Variants in RERE observed in about 807,000 individuals in gnomAD.
RERE encodes the protein arginine-glutamic acid dipeptide repeats protein.
RERE carries 40 observed loss-of-function variants against 146.1 expected under a neutral mutation model. That is an observed-to-expected ratio of 0.27 (90% CI 0.21 to 0.36). RERE has a LOEUF of 0.36. Among genes scored for constraint, RERE ranks in the 10% least tolerant of loss-of-function variants. RERE has a pLI of 1.00. For synonymous variants in RERE, 1,003 were observed against 866.0 expected (o/e 1.16, Z -2.78); for missense variants, 1,933 against 2,138.7 (o/e 0.90, Z 1.90).
intron 12 of RERE, among the ~76,000 whole-genome samples, chr1:8,397,923 G>A (rs1219599705): frequency 1.3e-5 from 2 of 152,180 alleles, no homozygotes; most frequent in African/African-American, 2.4e-5. Context: ...TGAGCATCTA[G>A]GTGCAAGGCA....
chr1:8,583,311 G>A (rs959850291), intron 4 of RERE, among the ~76,000 whole-genome samples: 7 of 152,150 alleles, frequency 4.6e-5, no homozygotes, highest in African/African-American at 1.4e-4. Flanking sequence ...TCTACAAACC[G>A]CAAAATATAA....
intron 2 of RERE, among the ~76,000 whole-genome samples, chr1:8,641,420 G>A (rs1417017594): frequency 6.6e-6 from 1 of 152,158 alleles, no homozygotes; most frequent in African/African-American, 2.4e-5. Flanking sequence ...CCAGAGCTTA[G>A]GAGTTCAAAT....
At chr1:8,664,336 C>G (rs940717445) in intron 1 of RERE, among the ~76,000 whole-genome samples, 4 of 152,144 alleles carry the variant, frequency 2.6e-5, no homozygotes. Context: ...TGTAGAAGTT[C>G]TGTTGGGGCA....
intron 1 of RERE, among the ~76,000 whole-genome samples, chr1:8,797,807 T>C (rs543414351): frequency 1.3e-5 from 2 of 152,352 alleles, no homozygotes; most frequent in South Asian, 2.1e-4. Context: ...CAGTCTCTAG[T>C]AAGAGAAGCC....
chr1:8,390,858 T>C (rs1040260071), intron 12 of RERE, among the ~76,000 whole-genome samples: 4 of 152,184 alleles, frequency 2.6e-5, no homozygotes, highest in Non-Finnish European at 5.9e-5. Context: ...GGGTCCTCCC[T>C]GACGCTGTCC....
intron 1 of RERE, among the ~76,000 whole-genome samples, chr1:8,814,299 C>T (rs1231520917): frequency 6.6e-6 from 1 of 152,160 alleles, no homozygotes; most frequent in African/African-American, 2.4e-5. Context: ...TACATTAGAA[C>T]AACTGAGATG....
chr1:8,596,782 G>A (rs750765614), intron 4 of RERE, among the ~76,000 whole-genome samples: 18 of 151,734 alleles, frequency 1.2e-4, no homozygotes, highest in Non-Finnish European at 2.5e-4. Flanking sequence ...AAAGTGCTGG[G>A]ATTATAGGTG....
chr1:8,668,924 C>G (rs938824852), intron 1 of RERE, among the ~76,000 whole-genome samples: 11 of 83,534 alleles, frequency 1.3e-4, no homozygotes, highest in African/African-American at 3.8e-4. Context: ...GCACTAAACT[C>G]TGTGTGTGTG....
chr1:8,364,789 C>A lies in RERE; in HGVS notation c.1497G>T (p.Glu499Asp). The stretch of plus-strand genomic sequence containing the variant: ...GGCAGGCGTACCCCTTCAGCTCCTG[C>A]TCACTGTCCTCACTGTCGAAGTCAT... ...SEDDFDSEDSEQELKGYACRH... is the reference protein window; with the variant it reads ...SEDDFDSEDSDQELKGYACRH... The change falls in exon 14 of 23, where the codon GAG becomes GAT. Residue 499 changes from glutamate to aspartate, a missense_variant. Physicochemically the swap from Glu to Asp is conservative, Grantham distance 45 (BLOSUM62 2). Around this residue, in one of 11 missense-constraint regions of RERE, gnomAD observed 260 missense variants for 378.4 expected, o/e 0.69. Transcript: ENST00000400908. This position sits in a 1 kb window ranked among gnomAD's most constrained non-coding sequence, Gnocchi z 5.1. 1 of 1,613,954 alleles carries A rather than the reference C, an allele frequency of 6.2e-7. No individual in the cohort carries two copies.
intron 12 of RERE, among the ~76,000 whole-genome samples, chr1:8,400,957 G>A (rs1643230254): frequency 7.2e-6 from 1 of 138,406 alleles, no homozygotes; most frequent in Non-Finnish European, 1.5e-5. Context: ...GGTTGAGGCT[G>A]CAGTGAGCCA....
intron 4 of RERE, among the ~76,000 whole-genome samples, chr1:8,589,778 T>A (rs1646469968): frequency 6.6e-6 from 1 of 152,342 alleles, no homozygotes; most frequent in East Asian, 1.9e-4. Context: ...GAGCCCAAGC[T>A]GAGGGCTTAG....
chr1:8,575,120 A>T (rs939530773), intron 4 of RERE, among the ~76,000 whole-genome samples: 2 of 152,184 alleles, frequency 1.3e-5, no homozygotes, highest in South Asian at 2.1e-4. Flanking sequence ...AAAAAGTAAG[A>T]AAGTGCTCAA....
At chr1:8,528,131 C>A (rs1040998565) in intron 7 of RERE, among the ~76,000 whole-genome samples, 3 of 152,114 alleles carry the variant, frequency 2.0e-5, no homozygotes, top group African/African-American at 7.2e-5. Flanking sequence ...GTATGGCTGG[C>A]CAAAATTACA....
intron 4 of RERE, among the ~76,000 whole-genome samples, chr1:8,582,830 G>C (rs151112954): frequency 6.6e-6 from 1 of 152,100 alleles, no homozygotes; most frequent in South Asian, 2.1e-4. Flanking sequence ...CACCATCAAA[G>C]GTGAAATTTC....
At chr1:8,385,918 G>A (rs1160475201) in intron 12 of RERE, among the ~76,000 whole-genome samples, 1 of 129,468 alleles carries the variant, frequency 7.7e-6, no homozygotes, top group African/African-American at 2.9e-5. Flanking sequence ...GCAGTGAGTG[G>A]AGATCGCACC....
intron 9 of RERE, among the ~76,000 whole-genome samples, chr1:8,495,895 C>T (rs1645038241): frequency 6.6e-6 from 1 of 151,934 alleles, no homozygotes; most frequent in Non-Finnish European, 1.5e-5. Flanking sequence ...AAAATCATGG[C>T]TGGGTGTGAT....
At chr1:8,518,972 T>C (rs1029613034) in intron 7 of RERE, among the ~76,000 whole-genome samples, 2 of 152,172 alleles carry the variant, frequency 1.3e-5, no homozygotes, top group East Asian at 1.9e-4. Context: ...AGAAACATCA[T>C]TGTACTTCCT....
At chr1:8,574,779 G>GAA in intron 4 of RERE, among the ~76,000 whole-genome samples, 1 of 152,150 alleles carries the variant, frequency 6.6e-6, no homozygotes, top group Non-Finnish European at 1.5e-5. Flanking sequence ...CGCAGTTAGT[G>GAA]GCTAGGAGAG....
chr1:8,513,224 T>C (rs1362215607), intron 7 of RERE, among the ~76,000 whole-genome samples: 1 of 152,244 alleles, frequency 6.6e-6, no homozygotes, highest in Admixed American at 6.5e-5. Flanking sequence ...TTTCAAAATA[T>C]TGATTTAAAA....
Sources: allele counts gnomAD v4.1 joint callset (sites outside exome capture counted in the v4.1 genomes callset), GRCh38; gene constraint gnomAD v4.1.1; regional missense constraint gnomAD v4.1.1; non-coding constraint Gnocchi (gnomAD v3.1); transcripts MANE v1.5; gene names NCBI Gene and HGNC (gene_info 2026-07-23, HGNC 2026-07-21).